Variants in LSM14A observed in about 807,000 individuals in gnomAD.
LSM14A encodes the protein LSM14A mRNA processing body assembly factor.
In LSM14A, 14 loss-of-function variants were observed where a neutral mutation model predicts 52.4. The ratio of observed to expected loss-of-function variants is 0.27; its 90% CI spans 0.18 to 0.42. The LOEUF (loss-of-function observed/expected upper bound fraction) is 0.42, where lower values mean the gene tolerates loss of function less well. LSM14A is among the 10% of genes least tolerant of loss of function. The probability of loss-of-function intolerance (pLI) is 1.00; values close to 1 mark genes in which losing one functional copy is unlikely to be tolerated. For synonymous variants in LSM14A, 185 were observed against 200.3 expected (o/e 0.92, Z 0.64); for missense variants, 417 against 581.8 (o/e 0.72, Z 2.91).
chr19:34,193,575 A>G (rs1008976260), intron 1 of LSM14A, among the ~76,000 whole-genome samples: 2 of 152,188 alleles, frequency 1.3e-5, no homozygotes, highest in African/African-American at 4.8e-5. Flanking sequence ...TTTAACTTTG[A>G]GTAATGCTGT....
chr19:34,202,865 G>A (rs1255810029), intron 3 of LSM14A, among the ~76,000 whole-genome samples: 1 of 152,056 alleles, frequency 6.6e-6, no homozygotes, highest in Non-Finnish European at 1.5e-5. Flanking sequence ...CACCGTGTTA[G>A]CCAGGATGGT....
At chr19:34,177,384 CT>C (rs1311513616) in intron 1 of LSM14A, among the ~76,000 whole-genome samples, 1 of 152,028 alleles carries the variant, frequency 6.6e-6, no homozygotes, top group African/African-American at 2.4e-5. Context: ...ATATTCAGAG[CT>C]TTATATTTAG....
rs377325091 is a variant in LSM14A, at chr19:34,215,590, C to T, written c.716-6C>T. On this transcript the variant is annotated splice_region_variant and splice_polypyrimidine_tract_variant and intron_variant, in intron 5 of 9. Coordinates refer to ENST00000544216, the MANE Select transcript of LSM14A (RefSeq NM_015578.4). ...GATTTGGCACTTTGCATGTCTTCTT[C>T]TGTAGCTGAAGTACACAAAGTTTCA... 24 of 1,609,390 alleles carry T rather than the reference C, an allele frequency of 1.5e-5. No homozygotes were observed. Among genetic ancestry groups the T allele is most frequent in the Non-Finnish European group, 2.0e-5 (23 of 1,176,134 alleles).
chr19:34,177,957 T>C (rs1036613725), intron 1 of LSM14A, among the ~76,000 whole-genome samples: 2 of 152,028 alleles, frequency 1.3e-5, no homozygotes, highest in African/African-American at 4.8e-5. Context: ...AGTCAGAAGC[T>C]CGAGACCAGT....
At chr19:34,221,162 A>C in intron 8 of LSM14A, among the ~76,000 whole-genome samples, 1 of 147,876 alleles carries the variant, frequency 6.8e-6, no homozygotes, top group East Asian at 2.0e-4. Context: ...GACTCACTGC[A>C]ACCTCCACCT....
chr19:34,190,987 T>A (rs925696280), intron 1 of LSM14A, among the ~76,000 whole-genome samples: 14 of 152,134 alleles, frequency 9.2e-5, no homozygotes, highest in African/African-American at 2.7e-4. Context: ...ATTATATTTT[T>A]CTTATTCTTT....
intron 1 of LSM14A, among the ~76,000 whole-genome samples, chr19:34,173,354 C>T (rs981199782): frequency 6.6e-6 from 1 of 152,180 alleles, no homozygotes; most frequent in Admixed American, 6.5e-5. Flanking sequence ...AAACCGGAAT[C>T]CTCAAAGCCT....
intron 9 of LSM14A, among the ~76,000 whole-genome samples, chr19:34,222,670 G>T (rs1490852807): frequency 1.3e-5 from 2 of 152,176 alleles, no homozygotes; most frequent in Non-Finnish European, 2.9e-5. Flanking sequence ...CAGTATTAGT[G>T]GCTTTTGGAC....
Position 34,196,564 on chromosome 19 carries a change from C to G in LSM14A, c.286-70C>G, listed in dbSNP as rs550668710. The stretch of plus-strand genomic sequence containing the variant: ...TAATAGTTTTCTTAAAAGTAAAAAT[C>G]TGGAATTTTTTTTTTCGTTATATAC... On this transcript the variant is annotated intron_variant, in intron 2 of 9. Transcript: ENST00000544216. 7.0e-5 allele frequency: 101 copies of G among 1,450,642 alleles called. No individual in the cohort carries two copies. In the South Asian group the frequency reaches 1.5e-3, roughly 21 times the overall value. 89.9% of individuals were successfully genotyped at this position (1,450,642 alleles called of 1,614,324 possible). A position where few individuals can be genotyped will look rare whatever the true frequency, so the allele number is the denominator to read the frequency against.
intron 3 of LSM14A, among the ~76,000 whole-genome samples, chr19:34,197,431 CTTTTTTTTTTTTT>C (rs531343486): frequency 1.6e-5 from 1 of 63,304 alleles, no homozygotes; most frequent in Non-Finnish European, 2.8e-5. Flanking sequence ...ATTTCTTTTT[CTTTTTTTTTTTTT>C]TTTTTTTTTT....
At chr19:34,179,220 A>G (rs894158747) in intron 1 of LSM14A, among the ~76,000 whole-genome samples, 2 of 152,214 alleles carry the variant, frequency 1.3e-5, no homozygotes, top group Admixed American at 6.5e-5. Flanking sequence ...GAATAGAAAA[A>G]CAAGTAAATT....
chr19:34,207,312 G>A (rs117271510), intron 3 of LSM14A, among the ~76,000 whole-genome samples: 1,994 of 152,230 alleles, frequency 0.013, 18 homozygotes, highest in Non-Finnish European at 0.018. Context: ...CAAAGTGGCT[G>A]ATGTCTTGGT....
chr19:34,195,767 A>T (rs943224179), intron 2 of LSM14A, among the ~76,000 whole-genome samples: 4 of 152,210 alleles, frequency 2.6e-5, no homozygotes, highest in African/African-American at 9.6e-5. Context: ...TGTCTCTTTT[A>T]TATGGCTTTT....
chr19:34,210,470 T>G (rs2072057120), intron 4 of LSM14A, among the ~76,000 whole-genome samples: 1 of 151,964 alleles, frequency 6.6e-6, no homozygotes. Context: ...TGTGGTTTCG[T>G]GATGTTGGCC....
intron 1 of LSM14A, among the ~76,000 whole-genome samples, chr19:34,177,557 GA>G (rs2069167890): frequency 6.6e-6 from 1 of 152,106 alleles, no homozygotes; most frequent in Non-Finnish European, 1.5e-5. Flanking sequence ...TGCCCTGGTG[GA>G]AAGTCCTTGT....
At chr19:34,190,253 C>A (rs1000748242) in intron 1 of LSM14A, among the ~76,000 whole-genome samples, 5 of 152,138 alleles carry the variant, frequency 3.3e-5, no homozygotes, top group Non-Finnish European at 7.4e-5. Flanking sequence ...TACAAGAATT[C>A]TATTGCATTG....
At chr19:34,196,392 T>G (rs2070840509) in intron 2 of LSM14A, among the ~76,000 whole-genome samples, 1 of 152,182 alleles carries the variant, frequency 6.6e-6, no homozygotes, top group African/African-American at 2.4e-5. Flanking sequence ...TTAATTCAAA[T>G]GGGGAGTTTA....
chr19:34,221,522 C>G lies in LSM14A; in HGVS notation c.1152C>G (p.Thr384=). ...TTTATAATAGAGAACGGAGACCAACCTGGGCTGAAGAAAGAAGATTAAATG... is the reference window on the plus strand; with the variant it reads ...TTTATAATAGAGAACGGAGACCAACGTGGGCTGAAGAAAGAAGATTAAATG... ...SCDDNRERRP[T]WAEERRLNAE... The change falls in exon 9 of 10, where the codon ACC becomes ACG. Residue 384 remains threonine, a synonymous_variant. Coordinates refer to ENST00000544216, the MANE Select transcript of LSM14A (RefSeq NM_015578.4). 3 of 1,613,736 alleles carry G rather than the reference C, an allele frequency of 1.9e-6. No homozygotes were observed. The highest frequency in any genetic ancestry group is 1.7e-6 in the Non-Finnish European group (2 of 1,179,992).
At chr19:34,218,273 G>A (rs1002273066) in intron 6 of LSM14A, among the ~76,000 whole-genome samples, 4 of 152,068 alleles carry the variant, frequency 2.6e-5, no homozygotes, top group African/African-American at 9.7e-5. Flanking sequence ...CAAAGTGCTG[G>A]GGTTACAGGC....
Sources: gnomAD v4.1 joint callset for allele counts (sites outside exome capture counted in the v4.1 genomes callset) on GRCh38, gnomAD v4.1.1 for gene constraint, MANE v1.5 for transcripts, NCBI Gene and HGNC (gene_info 2026-07-23, HGNC 2026-07-21) for gene names.